MAGED1: variants seen among roughly 807,000 people sequenced by gnomAD.
MAGED1 encodes melanoma-associated antigen D1.
In MAGED1, 3 loss-of-function variants were observed where a neutral mutation model predicts 54.1. That is an observed-to-expected ratio of 0.06 (90% confidence interval 0.03 to 0.14). The LOEUF (loss-of-function observed/expected upper bound fraction) is 0.14, where lower values mean the gene tolerates loss of function less well. MAGED1 is among the 10% of genes least tolerant of loss of function. MAGED1 has a pLI of 1.00. For missense variants in MAGED1, 485 were observed against 623.4 expected, an observed-to-expected ratio of 0.78 and a Z score of 2.36; for synonymous variants, 217 against 227.3, an observed-to-expected ratio of 0.95 and a Z score of 0.41.
chrX:51,848,215 T>G (rs1926756104), intron 1 of MAGED1, among the ~76,000 whole-genome samples: 1 of 111,758 alleles, frequency 8.9e-6, no homozygotes, highest in Non-Finnish European at 1.9e-5. Flanking sequence ...CCTATTGTGT[T>G]GGGTCTTTTT....
At chrX:51,850,918 A>C (rs1238101525) in intron 1 of MAGED1, among the ~76,000 whole-genome samples, 1 of 111,737 alleles carries the variant, frequency 8.9e-6, no homozygotes, top group South Asian at 3.8e-4. Flanking sequence ...AACAAACAAA[A>C]AAAAGAGAAA....
intron 1 of MAGED1, among the ~76,000 whole-genome samples, chrX:51,834,094 C>A (rs1222201220): frequency 8.9e-5 from 10 of 111,983 alleles, no homozygotes; most frequent in African/African-American, 3.2e-4. Context: ...TTGTAAGACT[C>A]ATTGATGAAT....
intron 1 of MAGED1, among the ~76,000 whole-genome samples, chrX:51,863,760 G>A (rs1416179986): frequency 9.0e-6 from 1 of 111,189 alleles, no homozygotes; most frequent in Non-Finnish European, 1.9e-5. Flanking sequence ...TACCTGTTGG[G>A]CATTTGTATG....
intron 1 of MAGED1, among the ~76,000 whole-genome samples, chrX:51,872,643 G>A (rs1376625057): frequency 8.9e-6 from 1 of 111,829 alleles, no homozygotes; most frequent in African/African-American, 3.3e-5. Flanking sequence ...GGTTTGCTTT[G>A]AGGTAGGCGA....
chrX:51,887,988 AAG>A (rs782144871), intron 1 of MAGED1, among the ~76,000 whole-genome samples: 20 of 111,816 alleles, frequency 1.8e-4, no homozygotes, highest in African/African-American at 6.2e-4. Flanking sequence ...TCAACAGTAA[AAG>A]AGAAAAGAAA....
At chrX:51,844,914 A>G (rs782562831) in intron 1 of MAGED1, among the ~76,000 whole-genome samples, 5 of 111,420 alleles carry the variant, frequency 4.5e-5, no homozygotes, top group African/African-American at 6.5e-5. Context: ...CTAAAATTCT[A>G]CAGGCAGAAG....
intron 1 of MAGED1, among the ~76,000 whole-genome samples, chrX:51,818,869 A>G (rs1212577495): frequency 2.7e-5 from 3 of 112,152 alleles, no homozygotes; most frequent in African/African-American, 9.7e-5. Context: ...GGTCAAACAT[A>G]AGGTCTCACC....
chrX:51,897,499 C>A, intron 5 of MAGED1, 48 bp from the exon 6 acceptor site: 1 of 1,042,202 alleles, frequency 9.6e-7, no homozygotes, highest in Non-Finnish European at 1.3e-6. Flanking sequence ...GGGACTGCTG[C>A]TCTGTGGCCC....
At chrX:51,852,165 T>C (rs1557359813) in intron 1 of MAGED1, among the ~76,000 whole-genome samples, 1 of 111,661 alleles carries the variant, frequency 9.0e-6, no homozygotes, top group Admixed American at 9.5e-5. Context: ...TCTTCAGACA[T>C]AACAGCAAAG....
intron 1 of MAGED1, among the ~76,000 whole-genome samples, chrX:51,868,926 A>T (rs911754142): frequency 1.9e-4 from 21 of 111,697 alleles, no homozygotes; most frequent in Non-Finnish European, 3.6e-4. Context: ...AAAATGTGAT[A>T]ATTTGGAGTG....
intron 1 of MAGED1, among the ~76,000 whole-genome samples, chrX:51,847,871 T>C (rs1926742941): frequency 8.9e-6 from 1 of 112,460 alleles, no homozygotes; most frequent in East Asian, 2.8e-4. Flanking sequence ...ATTACAATGC[T>C]GAAATGAGCA....
At chrX:51,844,532 GA>G (rs1240985401) in intron 1 of MAGED1, among the ~76,000 whole-genome samples, 1 of 112,020 alleles carries the variant, frequency 8.9e-6, no homozygotes, top group Non-Finnish European at 1.9e-5. Context: ...TCACAGTCAG[GA>G]AAGCTTACTA....
intron 1 of MAGED1, among the ~76,000 whole-genome samples, chrX:51,844,211 A>G (rs1926605378): frequency 9.0e-6 from 1 of 111,648 alleles, no homozygotes; most frequent in South Asian, 3.8e-4. Context: ...ATGGCCCCCT[A>G]AAGATGTTCA....
chrX:51,900,136 C>T, intron 10 of MAGED1, 46 bp from the exon 11 acceptor site: 2 of 809,156 alleles, frequency 2.5e-6, no homozygotes, highest in Non-Finnish European at 3.7e-6. Context: ...AGTGGACTAC[C>T]ATTCTGCCTG....
chrX:51,852,713 A>G (rs1478568559), intron 1 of MAGED1, among the ~76,000 whole-genome samples: 1 of 111,824 alleles, frequency 8.9e-6, no homozygotes, highest in Non-Finnish European at 1.9e-5. Context: ...GTGCAGCAAA[A>G]TGGTTTCCAC....
intron 1 of MAGED1, among the ~76,000 whole-genome samples, chrX:51,885,318 A>G (rs782433534): frequency 1.3e-4 from 15 of 112,221 alleles, no homozygotes; most frequent in Middle Eastern, 4.6e-3. Context: ...TTCTCTAATG[A>G]CTAGTGATGG....
At chrX:51,829,895 A>G (rs1187066279) in intron 1 of MAGED1, among the ~76,000 whole-genome samples, 1 of 112,099 alleles carries the variant, frequency 8.9e-6, no homozygotes, top group Non-Finnish European at 1.9e-5. Flanking sequence ...TTCAAATGAA[A>G]TTAATTGTCA....
chrX:51,842,082 C>A (rs1371589244), intron 1 of MAGED1, among the ~76,000 whole-genome samples: 1 of 112,139 alleles, frequency 8.9e-6, no homozygotes, highest in African/African-American at 3.2e-5. Flanking sequence ...ATTTGTTACC[C>A]TAGTAATAAT....
chrX:51,861,202 G>A (rs782209712), intron 1 of MAGED1, among the ~76,000 whole-genome samples: 12 of 110,449 alleles, frequency 1.1e-4, no homozygotes, highest in African/African-American at 3.3e-4. Flanking sequence ...ATATCCCTTC[G>A]CTCCCTTTAT....
Sources: gnomAD v4.1 joint callset for allele counts (sites outside exome capture counted in the v4.1 genomes callset) on GRCh38, gnomAD v4.1.1 for gene constraint, MANE v1.5 for transcripts, NCBI Gene and HGNC (gene_info 2026-07-23, HGNC 2026-07-21) for gene names.